Variants in CWF19L2 observed in about 807,000 individuals in gnomAD.
CWF19L2 encodes the protein CWF19-like protein 2.
A neutral mutation model predicts 111.7 loss-of-function variants in CWF19L2; 98 were observed. The ratio of observed to expected loss-of-function variants is 0.88; its 90% CI spans 0.75 to 1.04. CWF19L2 has a LOEUF of 1.04. CWF19L2 is among the 50% of genes least tolerant of loss of function. The pLI, the probability that CWF19L2 is intolerant of heterozygous loss-of-function variation, is 0.00. For missense variants in CWF19L2, 1,101 were observed against 1,051.4 expected, an observed-to-expected ratio of 1.05 and a Z score of -0.65; for synonymous variants, 351 against 342.9, an observed-to-expected ratio of 1.02 and a Z score of -0.26.
chr11:107,414,354 A>C (rs1180834127), intron 10 of CWF19L2, among the ~76,000 whole-genome samples: 1 of 152,044 alleles, frequency 6.6e-6, no homozygotes, highest in Non-Finnish European at 1.5e-5. Context: ...CACCACACCC[A>C]GCTAGAGTTA....
At chr11:107,327,868 T>G (rs1859783415) in intron 17 of CWF19L2, among the ~76,000 whole-genome samples, 1 of 152,092 alleles carries the variant, frequency 6.6e-6, no homozygotes, top group East Asian at 1.9e-4. Context: ...TTCTGCATAG[T>G]CGGTCTAGCT....
rs1410649655 is a variant in CWF19L2, at chr11:107,457,770, T to C, written c.47A>G (p.Lys16Arg). Residue 16 changes from lysine to arginine, a missense_variant, in exon 1 of 18, where the codon AAG becomes AGG. Transcript: ENST00000282251. The stretch of plus-strand genomic sequence containing the variant: ...CTGTTCTTTCCGCTCTTCGATACTC[T>C]TCGCACTTTCAAATCTACCACTAGC... ...AAASGRFESAKSIEERKEQTR... is the reference protein window; with the variant it reads ...AAASGRFESARSIEERKEQTR... 8 of 1,551,778 alleles carry C rather than the reference T, an allele frequency of 5.2e-6. No individual in the cohort carries two copies. The highest frequency in any genetic ancestry group is 7.0e-6 in the Non-Finnish European group (8 of 1,147,008).
rs11393267 is a variant in CWF19L2 at position 107,385,322 on chromosome 11, C to CAAA, written c.1872+4749_1872+4751dup. On this transcript the variant is annotated intron_variant, in intron 12 of 17. Coordinates refer to ENST00000282251, the MANE Select transcript of CWF19L2 (RefSeq NM_152434.3). ...GAAAAAACACCTCCATTAAATAATA[C>CAAA]AAAAAAAAAACAATTTGCTTGAATA... 1.6e-3 allele frequency among the ~76,000 whole-genome samples: 238 copies of CAAA among 148,984 alleles called. 1 individual carries two copies. The highest frequency in any genetic ancestry group is 5.2e-3 in the African/African-American group (213 of 40,712).
At chr11:107,349,341 G>A (rs540562959) in intron 13 of CWF19L2, among the ~76,000 whole-genome samples, 1 of 152,234 alleles carries the variant, frequency 6.6e-6, no homozygotes, top group Non-Finnish European at 1.5e-5. Flanking sequence ...AGGCAAAGAA[G>A]AGCAGAATGA....
chr11:107,372,382 A>AT, intron 12 of CWF19L2, among the ~76,000 whole-genome samples: 1 of 134,180 alleles, frequency 7.5e-6, no homozygotes, highest in Non-Finnish European at 1.6e-5. Flanking sequence ...AAAAAAAAAA[A>AT]GTGGAAACAG....
chr11:107,373,286 G>A (rs1439898349), intron 12 of CWF19L2, among the ~76,000 whole-genome samples: 1 of 127,930 alleles, frequency 7.8e-6, no homozygotes, highest in Middle Eastern at 3.9e-3. Context: ...AAGGAGGACT[G>A]CCTGCCTCTG....
intron 12 of CWF19L2, among the ~76,000 whole-genome samples, chr11:107,387,626 G>A (rs1289863928): frequency 6.6e-6 from 1 of 152,090 alleles, no homozygotes. Flanking sequence ...TGGCAGGGCA[G>A]TGGTGGGGGT....
intron 5 of CWF19L2, among the ~76,000 whole-genome samples, chr11:107,439,765 T>C (rs1861594894): frequency 6.6e-6 from 1 of 152,182 alleles, no homozygotes; most frequent in South Asian, 2.1e-4. Context: ...GAGTGACTAA[T>C]GACAAGAGAT....
intron 10 of CWF19L2, chr11:107,403,365 A>G: frequency 1.7e-6 from 1 of 601,890 alleles, no homozygotes; most frequent in Non-Finnish European, 3.0e-6. Context: ...TTTCATTTAA[A>G]AAACTATTTA....
At chr11:107,362,224 A>C (rs1007066207) in intron 12 of CWF19L2, among the ~76,000 whole-genome samples, 5 of 151,564 alleles carry the variant, frequency 3.3e-5, no homozygotes, top group Non-Finnish European at 7.4e-5. Flanking sequence ...ATCAAACTGC[A>C]AGGCGGCAGC....
At chr11:107,359,323 C>T (rs1860287289) in intron 12 of CWF19L2, among the ~76,000 whole-genome samples, 1 of 152,100 alleles carries the variant, frequency 6.6e-6, no homozygotes, top group African/African-American at 2.4e-5. Context: ...CTGCCAAAAT[C>T]CCCATCATTC....
At chr11:107,335,573 T>C (rs984832028) in intron 15 of CWF19L2, among the ~76,000 whole-genome samples, 1 of 152,200 alleles carries the variant, frequency 6.6e-6, no homozygotes, top group East Asian at 1.9e-4. Context: ...GATGTCAGAA[T>C]TTATATAACT....
At chr11:107,430,510 G>A (rs191976151) in intron 7 of CWF19L2, among the ~76,000 whole-genome samples, 187 of 151,998 alleles carry the variant, frequency 1.2e-3, no homozygotes, top group African/African-American at 4.3e-3. Context: ...CAATTCTGAG[G>A]GAAAAAAATT....
chr11:107,424,023 A>G (rs1045533233), intron 8 of CWF19L2, among the ~76,000 whole-genome samples: 45 of 151,964 alleles, frequency 3.0e-4, no homozygotes, highest in African/African-American at 1.0e-3. Flanking sequence ...TTGTTTCTTT[A>G]TAATACCAAT....
chr11:107,326,811 T>C lies in CWF19L2; in HGVS notation c.*99A>G. ...ACCCAGAGCAGTCTGCTGCTGTGAC[T>C]CTCTCTGCCTGTGACCTGAGGGTCA... On this transcript the variant is annotated 3_prime_UTR_variant, in exon 18 of 18. Coordinates refer to ENST00000282251, the MANE Select transcript of CWF19L2 (RefSeq NM_152434.3). 9.8e-7 allele frequency: 1 copy of C among 1,019,850 alleles called. No individual in the cohort carries two copies. Among genetic ancestry groups the C allele is most frequent in the South Asian group, 1.8e-5 (1 of 56,026 alleles). 63.2% of individuals were successfully genotyped at this position (1,019,850 alleles called of 1,614,324 possible). A position where few individuals can be genotyped will look rare whatever the true frequency, so the allele number is the denominator to read the frequency against.
chr11:107,430,683 A>C (rs1211245808), intron 7 of CWF19L2, among the ~76,000 whole-genome samples: 1 of 152,292 alleles, frequency 6.6e-6, no homozygotes, highest in Middle Eastern at 3.4e-3. Context: ...TGCATCATAC[A>C]TAGAAACAGA....
chr11:107,366,790 CA>C lies in CWF19L2; in HGVS notation c.1873-13055del, dbSNP rs1377753224. 1.7e-4 allele frequency among the ~76,000 whole-genome samples: 5 copies of C among 29,188 alleles called. No individual in the cohort carries two copies. The East Asian group carries it at 3.2e-3, about 18-fold the overall frequency. 19.1% of individuals were successfully genotyped at this position (29,188 alleles called of 152,430 possible). On this transcript the variant is annotated intron_variant, in intron 12 of 17. Transcript: ENST00000282251. ...GGCAAGGACTTCATGTCTAAAACAC[CA>C]AAAGCAATGGCAACAAAAGCCAAAA...
At chr11:107,346,330 A>G (rs1455321514) in intron 14 of CWF19L2, among the ~76,000 whole-genome samples, 1 of 152,190 alleles carries the variant, frequency 6.6e-6, no homozygotes, top group Non-Finnish European at 1.5e-5. Flanking sequence ...TCCACAGAGT[A>G]ACACCTCAAA....
chr11:107,377,972 T>G (rs1223613147), intron 12 of CWF19L2, among the ~76,000 whole-genome samples: 1 of 151,954 alleles, frequency 6.6e-6, no homozygotes, highest in Non-Finnish European at 1.5e-5. Context: ...GAACAGACAC[T>G]TCTCAAAAGA....
Sources: gnomAD v4.1 joint callset for allele counts (sites outside exome capture counted in the v4.1 genomes callset) on GRCh38, gnomAD v4.1.1 for gene constraint, MANE v1.5 for transcripts, NCBI Gene and HGNC (gene_info 2026-07-23, HGNC 2026-07-21) for gene names.